XIRP2: variants seen among roughly 807,000 people sequenced by gnomAD.
The protein encoded by XIRP2 is xin actin binding repeat containing 2.
In XIRP2, 236 loss-of-function variants were observed where a neutral mutation model predicts 277.0. The observed-to-expected ratio is 0.85, with a 90% CI of 0.77 to 0.95. The LOEUF (loss-of-function observed/expected upper bound fraction) is 0.95. Among genes scored for constraint, XIRP2 ranks in the 40% least tolerant of loss-of-function variants. XIRP2 has a pLI of 0.00. For synonymous variants in XIRP2, 1,490 were observed against 1,416.5 expected (o/e 1.05, Z -1.17); for missense variants, 4,640 against 4,157.5 (o/e 1.12, Z -3.19).
chr2:167,211,223 G>A (rs888059029), intron 4 of XIRP2, among the ~76,000 whole-genome samples: 2 of 151,934 alleles, frequency 1.3e-5, no homozygotes, highest in Non-Finnish European at 2.9e-5. Flanking sequence ...TCAGCCTCCC[G>A]AGTAGCTGGG....
At chr2:166,998,519 C>T (rs1157358791) in intron 2 of XIRP2, among the ~76,000 whole-genome samples, 1 of 152,018 alleles carries the variant, frequency 6.6e-6, no homozygotes, top group Non-Finnish European at 1.5e-5. Flanking sequence ...TGCCTGTAGT[C>T]CCAGCTACTC....
chr2:167,245,115 G>A lies in XIRP2; in HGVS notation c.3723G>A (p.Trp1241Ter). 1.2e-6 allele frequency: 2 copies of A among 1,610,574 alleles called. No individual in the cohort carries two copies. The highest frequency in any genetic ancestry group is 1.7e-6 in the Non-Finnish European group (2 of 1,179,034). Reference protein sequence around the residue: ...IQKGNVLNCRWLFENQPIDKI... With the variant: ...IQKGNVLNCR ...AAGGCAATGTTTTAAATTGTAGGTG[G>A]CTTTTTGAAAACCAACCAATTGATA... Residue 1241 changes from tryptophan to a stop codon, truncating the protein, a stop_gained, in exon 9 of 11, where the codon TGG becomes TGA. Transcript: ENST00000409195. LOFTEE classifies it high-confidence loss of function.
At chr2:167,232,341 A>G (rs1479590) in intron 5 of XIRP2, among the ~76,000 whole-genome samples, 3,022 of 152,060 alleles carry the variant, frequency 0.02, 42 homozygotes, top group South Asian at 0.063. Context: ...ATATTTCCAC[A>G]TGTCAGGAGC....
intron 1 of XIRP2, among the ~76,000 whole-genome samples, chr2:166,901,381 T>G (rs1453564045): frequency 1.3e-5 from 2 of 152,024 alleles, no homozygotes; most frequent in East Asian, 3.9e-4. Context: ...TTTCTAGGGG[T>G]TTTAGCTGTA....
chr2:167,154,522 T>C (rs1692123785), intron 3 of XIRP2, among the ~76,000 whole-genome samples: 1 of 151,376 alleles, frequency 6.6e-6, no homozygotes. Flanking sequence ...GGTTTTCTTC[T>C]AGGGTTTCTA....
intron 2 of XIRP2, among the ~76,000 whole-genome samples, chr2:167,039,830 G>A (rs369945032): frequency 3.3e-5 from 5 of 152,228 alleles, no homozygotes; most frequent in South Asian, 2.1e-4. Flanking sequence ...GTTTGGTAAC[G>A]TATTCAAATT....
chr2:166,888,784 T>A (rs979009577), intron 1 of XIRP2, among the ~76,000 whole-genome samples: 1 of 152,132 alleles, frequency 6.6e-6, no homozygotes, highest in Non-Finnish European at 1.5e-5. Flanking sequence ...TTTTTCTAAC[T>A]AAGAAACAAT....
At chr2:167,056,459 TC>T (rs1689040798) in intron 2 of XIRP2, among the ~76,000 whole-genome samples, 1 of 152,170 alleles carries the variant, frequency 6.6e-6, no homozygotes, top group East Asian at 1.9e-4. Context: ...ATGTAAAGTT[TC>T]CTTCTAAGTA....
At chr2:167,107,639 A>G (rs962332205) in intron 2 of XIRP2, among the ~76,000 whole-genome samples, 9 of 151,462 alleles carry the variant, frequency 5.9e-5, no homozygotes, top group Middle Eastern at 3.4e-3. Context: ...TATGAGGTAT[A>G]TTGGTCTATA....
chr2:166,961,651 A>G (rs1259152493), intron 2 of XIRP2, among the ~76,000 whole-genome samples: 1 of 151,780 alleles, frequency 6.6e-6, no homozygotes, highest in Non-Finnish European at 1.5e-5. Flanking sequence ...TGTCTAAAAA[A>G]TACAGGGCTG....
At chr2:166,913,008 GC>G (rs1684755196) in intron 2 of XIRP2, among the ~76,000 whole-genome samples, 1 of 152,178 alleles carries the variant, frequency 6.6e-6, no homozygotes, top group Non-Finnish European at 1.5e-5. Context: ...GTGTCAATCT[GC>G]CCCTACTGGA....
chr2:167,130,286 A>G (rs1691336580), intron 2 of XIRP2, among the ~76,000 whole-genome samples: 1 of 151,922 alleles, frequency 6.6e-6, no homozygotes. Context: ...TTCCCCACCA[A>G]CCACCAACCA....
At chr2:166,994,527 A>T (rs1321075844) in intron 2 of XIRP2, among the ~76,000 whole-genome samples, 2 of 147,964 alleles carry the variant, frequency 1.4e-5, no homozygotes, top group African/African-American at 5.0e-5. Flanking sequence ...GCTTAATTTA[A>T]TGTGTAGGTA....
In XIRP2 at chr2:167,079,752, GTCTA is replaced by G. The variant is rs552889590; in HGVS notation, c.409-56151_409-56148del. ...TTTTGCTCTGTTAATCTAGCTAGTG[GTCTA>G]TCTATGTTGCTTATCCTTCTAAAAA... On this transcript the variant is annotated intron_variant, in intron 2 of 10. Coordinates refer to ENST00000409195, the MANE Select transcript of XIRP2 (RefSeq NM_152381.6). 4.0e-5 allele frequency among the ~76,000 whole-genome samples: 6 copies of G among 151,830 alleles called. No individual in the cohort carries two copies. In the East Asian group the frequency reaches 5.8e-4, roughly 15 times the overall value.
chr2:166,994,772 G>A (rs926529024), intron 2 of XIRP2, among the ~76,000 whole-genome samples: 2 of 151,856 alleles, frequency 1.3e-5, no homozygotes, highest in East Asian at 3.9e-4. Context: ...CCTCATTTCA[G>A]TAACTGTACT....
chr2:167,193,169 T>C (rs1693398310), intron 3 of XIRP2, among the ~76,000 whole-genome samples: 1 of 152,158 alleles, frequency 6.6e-6, no homozygotes, highest in Non-Finnish European at 1.5e-5. Flanking sequence ...TCTCAAAAGA[T>C]CTAGTTCAGC....
chr2:167,138,440 C>G (rs560727804), intron 3 of XIRP2, among the ~76,000 whole-genome samples: 1 of 152,264 alleles, frequency 6.6e-6, no homozygotes, highest in South Asian at 2.1e-4. Context: ...CTTTTTATGC[C>G]TGATGATACA....
chr2:167,037,518 G>GGGGGT (rs1553481078), intron 2 of XIRP2, among the ~76,000 whole-genome samples: 31 of 126,382 alleles, frequency 2.5e-4, no homozygotes, highest in Non-Finnish European at 3.3e-5. Context: ...TCATGTGGGG[G>GGGGGT]GTGTGTGTGT....
chr2:167,168,731 C>A (rs1048109530), intron 3 of XIRP2, among the ~76,000 whole-genome samples: 3 of 152,208 alleles, frequency 2.0e-5, no homozygotes, highest in African/African-American at 7.2e-5. Context: ...TCTCCTGCCT[C>A]AGCCTCCCAA....
Sources: allele counts gnomAD v4.1 joint callset (sites outside exome capture counted in the v4.1 genomes callset), GRCh38; gene constraint gnomAD v4.1.1; transcripts MANE v1.5; gene names NCBI Gene and HGNC (gene_info 2026-07-23, HGNC 2026-07-21).